The following RSU1 variants were observed in gnomAD, a reference collection of about 807,000 sequenced individuals.
RSU1 encodes the protein Ras suppressor protein 1, also known as rsu-1.
A neutral mutation model predicts 31.1 loss-of-function variants in RSU1; 26 were observed. The observed-to-expected ratio is 0.84, with a 90% CI of 0.61 to 1.16. The LOEUF is 1.16. Ranked by LOEUF, RSU1 falls within the 50% of genes most tolerant of loss-of-function variation. RSU1 has a pLI of 0.00. For synonymous variants in RSU1, 164 were observed against 136.3 expected (o/e 1.20, Z -1.41); for missense variants, 320 against 339.1 (o/e 0.94, Z 0.44).
intron 7 of RSU1, among the ~76,000 whole-genome samples, chr10:16,715,377 A>G (rs1386418146): frequency 1.3e-5 from 2 of 152,204 alleles, no homozygotes; most frequent in Admixed American, 6.5e-5. Flanking sequence ...AAGTCATCTT[A>G]AAGTCCAACG....
chr10:16,716,250 C>T (rs374829314), intron 7 of RSU1, among the ~76,000 whole-genome samples: 6 of 152,102 alleles, frequency 3.9e-5, no homozygotes, highest in African/African-American at 1.2e-4. Context: ...GGTGCCAGGG[C>T]CAGGGCATAA....
At chr10:16,692,615 A>T (rs2131560214) in intron 8 of RSU1, among the ~76,000 whole-genome samples, 1 of 152,342 alleles carries the variant, frequency 6.6e-6, no homozygotes, top group Non-Finnish European at 1.5e-5. Flanking sequence ...AAAACTCACG[A>T]TAGCAATGAT....
In RSU1 at chr10:16,765,955, T is replaced by TTCAAG. The variant is rs1366792455; in HGVS notation, c.161-1450_161-1446dup. 3.3e-5 allele frequency among the ~76,000 whole-genome samples: 5 copies of TTCAAG among 152,202 alleles called. No individual in the cohort carries two copies. The East Asian group carries it at 9.6e-4, about 29-fold the overall frequency. On this transcript the variant is annotated intron_variant, in intron 3 of 8. Transcript: ENST00000345264. Reference sequence around the variant, plus strand: ...CTAAAATATTTAAGCAGCTAGCCATTTCAAGACGACCAATTGATAACTCCC... The same window carrying TTCAAG: ...CTAAAATATTTAAGCAGCTAGCCATTTCAAGTCAAGACGACCAATTGATAACTCCC...
intron 7 of RSU1, among the ~76,000 whole-genome samples, chr10:16,751,012 T>C (rs1258599688): frequency 6.6e-6 from 1 of 151,996 alleles, no homozygotes; most frequent in East Asian, 1.9e-4. Context: ...ACTACAGGCA[T>C]GCACCACCAC....
chr10:16,593,215 C>T lies in RSU1; in HGVS notation c.*179G>A, dbSNP rs1486592159. On this transcript the variant is annotated 3_prime_UTR_variant, in exon 9 of 9. Transcript: ENST00000345264. ...TGGAAATGGTTTAAAGACCTTATAA[C>T]AATCTCCCACCTAGCAAAAGAATCT... The T allele has an allele frequency of 8.2e-7, 1 of 1,223,174 alleles. No homozygotes were observed. The highest frequency in any genetic ancestry group is 2.9e-5 in the Admixed American group (1 of 34,034). The allele number at this position is 1,223,174 out of a possible 1,614,324, so 75.8% of individuals were successfully genotyped here.
chr10:16,751,119 G>C (rs569536147), intron 7 of RSU1, among the ~76,000 whole-genome samples: 1 of 151,904 alleles, frequency 6.6e-6, no homozygotes, highest in African/African-American at 2.4e-5. Flanking sequence ...CGCCTGCTTC[G>C]GCCTCCCAAA....
At chr10:16,765,667 T>TA (rs1837299375) in intron 3 of RSU1, among the ~76,000 whole-genome samples, 1 of 152,238 alleles carries the variant, frequency 6.6e-6, no homozygotes, top group Non-Finnish European at 1.5e-5. Flanking sequence ...CTGTGGGTGA[T>TA]AAGCTTGGCC....
At chr10:16,727,461 A>G (rs1381487153) in intron 7 of RSU1, among the ~76,000 whole-genome samples, 3 of 152,198 alleles carry the variant, frequency 2.0e-5, no homozygotes, top group African/African-American at 4.8e-5. Flanking sequence ...AGGCTGTTCA[A>G]TCATGGATTG....
chr10:16,807,752 G>A (rs186561247), intron 2 of RSU1, among the ~76,000 whole-genome samples: 1 of 152,180 alleles, frequency 6.6e-6, no homozygotes, highest in East Asian at 1.9e-4. Context: ...GACGAGGTAC[G>A]GTGGCTCACA....
intron 8 of RSU1, among the ~76,000 whole-genome samples, chr10:16,673,650 C>G (rs1206190497): frequency 1.3e-5 from 2 of 152,188 alleles, no homozygotes; most frequent in Non-Finnish European, 2.9e-5. Context: ...ACAGGTCAGG[C>G]TCCATCTCAA....
chr10:16,778,869 G>GT (rs2131643618), intron 3 of RSU1, among the ~76,000 whole-genome samples: 1 of 152,334 alleles, frequency 6.6e-6, no homozygotes, highest in African/African-American at 2.4e-5. Context: ...GTGCATGAGA[G>GT]TAAGCCAGCC....
intron 8 of RSU1, among the ~76,000 whole-genome samples, chr10:16,643,677 G>A (rs1424519210): frequency 6.6e-6 from 1 of 152,082 alleles, no homozygotes. Flanking sequence ...TAACTTTTCT[G>A]TGTCTCAGTT....
chr10:16,812,092 C>A (rs1404903634), intron 2 of RSU1, among the ~76,000 whole-genome samples: 1 of 152,158 alleles, frequency 6.6e-6, no homozygotes, highest in Non-Finnish European at 1.5e-5. Flanking sequence ...CAAGAAGCGG[C>A]GTGTTTAAAA....
chr10:16,792,818 GA>G (rs1175573182), intron 2 of RSU1, among the ~76,000 whole-genome samples: 5 of 152,196 alleles, frequency 3.3e-5, no homozygotes, highest in Non-Finnish European at 7.3e-5. Flanking sequence ...TGGTGGACTA[GA>G]AACAGCCACA....
intron 2 of RSU1, among the ~76,000 whole-genome samples, chr10:16,814,460 A>AG (rs1564367456): frequency 1.4e-5 from 2 of 144,234 alleles, no homozygotes; most frequent in Non-Finnish European, 3.0e-5. Context: ...GGAAAAAAAA[A>AG]AAAAAAAAGA....
At chr10:16,675,250 A>G (rs1047172213) in intron 8 of RSU1, among the ~76,000 whole-genome samples, 3 of 151,748 alleles carry the variant, frequency 2.0e-5, no homozygotes, top group African/African-American at 7.3e-5. Flanking sequence ...TGTTAGTGTT[A>G]AAAGACAAAC....
intron 3 of RSU1, among the ~76,000 whole-genome samples, chr10:16,776,388 T>C (rs1228300778): frequency 6.6e-6 from 1 of 151,526 alleles, no homozygotes; most frequent in African/African-American, 2.4e-5. Flanking sequence ...TTATCTTTGA[T>C]AAATAAATTA....
intron 3 of RSU1, among the ~76,000 whole-genome samples, chr10:16,781,775 C>T (rs1457356887): frequency 1.3e-5 from 2 of 152,054 alleles, no homozygotes; most frequent in South Asian, 2.1e-4. Flanking sequence ...TCGCTTGAGC[C>T]CAGGAGTTCA....
intron 8 of RSU1, among the ~76,000 whole-genome samples, chr10:16,634,847 G>A (rs1834319817): frequency 6.6e-6 from 1 of 152,176 alleles, no homozygotes; most frequent in Non-Finnish European, 1.5e-5. Flanking sequence ...GACAGAAGCT[G>A]ACTTTCTATA....
Sources: gnomAD v4.1 joint callset for allele counts (sites outside exome capture counted in the v4.1 genomes callset) on GRCh38, gnomAD v4.1.1 for gene constraint, MANE v1.5 for transcripts, NCBI Gene and HGNC (gene_info 2026-07-23, HGNC 2026-07-21) for gene names.